Variants in OSGIN2 observed in about 807,000 individuals in gnomAD.
OSGIN2 encodes the protein oxidative stress-induced growth inhibitor 2.
A neutral mutation model predicts 53.8 loss-of-function variants in OSGIN2; 19 were observed. The observed-to-expected ratio is 0.35, with a 90% CI of 0.25 to 0.52. OSGIN2 has a LOEUF of 0.52. OSGIN2 is among the 20% of genes least tolerant of loss of function. The probability of loss-of-function intolerance (pLI) is 0.95; values close to 1 mark genes in which losing one functional copy is unlikely to be tolerated. For synonymous variants in OSGIN2, 236 were observed against 236.0 expected (o/e 1.00, Z 0.00); for missense variants, 520 against 662.7 (o/e 0.78, Z 2.36).
rs945526797 is a variant in OSGIN2, at chr8:89,927,082, AACATT to A, written c.*1551_*1555del. The A allele has an allele frequency of 2.0e-5, 3 of 152,096 alleles. No homozygotes were observed. Among genetic ancestry groups the A allele is most frequent in the Non-Finnish European group, 4.4e-5 (3 of 67,950 alleles). The allele number at this position is 152,096 out of a possible 1,614,324, so 9.4% of individuals were successfully genotyped here. On this transcript the variant is annotated 3_prime_UTR_variant, in exon 6 of 6. Coordinates refer to ENST00000451899, the MANE Select transcript of OSGIN2 (RefSeq NM_001126111.3). ...AACCAGTTTCACATCTTAATGAAAT[AACATT>A]CTCTGACTGCACTTGCTTCAGTACT...
intron 5 of OSGIN2, among the ~76,000 whole-genome samples, chr8:89,923,764 A>T (rs1586010277): frequency 6.6e-6 from 1 of 152,220 alleles, no homozygotes. Flanking sequence ...GACAAACCCT[A>T]CTGTAAATTG....
chr8:89,909,809 T>G (rs1808931137), intron 2 of OSGIN2, 88 bp downstream of exon 2: 1 of 860,600 alleles, frequency 1.2e-6, no homozygotes, highest in African/African-American at 1.7e-5. Flanking sequence ...TTCTTAAGAT[T>G]TTATTGAAAA....
intron 4 of OSGIN2, 100 bp downstream of exon 4, chr8:89,914,846 T>C: frequency 1.2e-6 from 1 of 824,782 alleles, no homozygotes; most frequent in South Asian, 1.7e-5. Flanking sequence ...ATGTGATGTT[T>C]ATCACATTTT....
At chr8:89,912,484 G>C (rs79301178) in intron 2 of OSGIN2, among the ~76,000 whole-genome samples, 3,993 of 152,238 alleles carry the variant, frequency 0.026, 104 homozygotes, top group South Asian at 0.1. Flanking sequence ...GGTTGGGCGT[G>C]ATGGCTCATA....
At chr8:89,911,583 T>C (rs915080357) in intron 2 of OSGIN2, among the ~76,000 whole-genome samples, 1 of 149,882 alleles carries the variant, frequency 6.7e-6, no homozygotes, top group Non-Finnish European at 1.5e-5. Flanking sequence ...TGAGCCGCGA[T>C]TGCGCCATTG....
At chr8:89,912,538 G>A (rs2130698605) in intron 2 of OSGIN2, among the ~76,000 whole-genome samples, 1 of 152,230 alleles carries the variant, frequency 6.6e-6, no homozygotes, top group South Asian at 2.1e-4. Context: ...GGTGGATCAA[G>A]AGATCAAGAC....
At position 89,914,535 on chromosome 8, in the gene OSGIN2, T is replaced by G; in HGVS notation, c.337-20T>G. On this transcript the variant is annotated intron_variant, in intron 3 of 5. Coordinates refer to ENST00000451899, the MANE Select transcript of OSGIN2 (RefSeq NM_001126111.3). ...AAATGCTGGCTTTTTTCAAACTCTG[T>G]CTCCCTTTTGTTCATTCAGGACTTA... 1 of 1,596,806 alleles carries G rather than the reference T, an allele frequency of 6.3e-7. No homozygotes were observed.
At chr8:89,922,101 A>C (rs1350983819) in intron 5 of OSGIN2, among the ~76,000 whole-genome samples, 1 of 152,236 alleles carries the variant, frequency 6.6e-6, no homozygotes, top group Non-Finnish European at 1.5e-5. Flanking sequence ...AAGGATAGTA[A>C]ATATTAGATA....
chr8:89,924,779 T>A lies in OSGIN2; in HGVS notation c.897T>A (p.Ala299=), dbSNP rs140021082. The change falls in exon 6 of 6, where the codon GCT becomes GCA. Residue 299 remains alanine, a synonymous_variant. Transcript: ENST00000451899. ...DGSHVPFCLF[A]ENVALATGTL... is the part of the protein sequence containing the mutation. ...CTCATGTTCCCTTCTGCCTCTTTGC[T>A]GAGAATGTAGCGCTGGCAACTGGAA... 95 of 1,614,208 alleles carry A rather than the reference T, an allele frequency of 5.9e-5. 1 individual carries two copies. The Middle Eastern group carries it at 2.8e-3, about 48-fold the overall frequency.
chr8:89,913,327 C>T (rs145714738), intron 2 of OSGIN2, among the ~76,000 whole-genome samples: 174 of 152,242 alleles, frequency 1.1e-3, no homozygotes, highest in African/African-American at 3.7e-3. Flanking sequence ...GGAAGACAGC[C>T]GGCCTTTGAA....
intron 1 of OSGIN2, among the ~76,000 whole-genome samples, chr8:89,904,876 A>G (rs2130686409): frequency 6.6e-6 from 1 of 152,370 alleles, no homozygotes; most frequent in East Asian, 1.9e-4. Context: ...ATTGTCTAAC[A>G]TCTGAATGGA....
At chr8:89,921,049 A>T in intron 4 of OSGIN2, 31 bp from the exon 5 acceptor site, 1 of 1,279,730 alleles carries the variant, frequency 7.8e-7, no homozygotes, top group Non-Finnish European at 1.1e-6. Context: ...TTGTTTTTTG[A>T]CGGTACATTT....
chr8:89,924,988 T>A lies in OSGIN2; in HGVS notation c.1106T>A (p.Ile369Asn). ...GTACTGTGTGCTTACAACAGTAATA[T>A]CCCTGTGATTCATGTGTTTCGCAGA... Reference protein sequence around the residue: ...DAVLCAYNSNIPVIHVFRRRV... With the variant: ...DAVLCAYNSNNPVIHVFRRRV... Residue 369 changes from isoleucine (I) to asparagine (N), a missense_variant, in exon 6 of 6, where the codon ATC (isoleucine) becomes AAC (asparagine). Ile to Asn is a moderately radical substitution (Grantham distance 149). Coordinates refer to ENST00000451899, the MANE Select transcript of OSGIN2 (RefSeq NM_001126111.3). 6.2e-7 allele frequency: 1 copy of A among 1,614,080 alleles called. No individual in the cohort carries two copies. Among genetic ancestry groups the A allele is most frequent in the Non-Finnish European group, 8.5e-7 (1 of 1,179,924 alleles).
chr8:89,925,441 GA>G lies in OSGIN2; in HGVS notation c.1560del (p.Ala522ArgfsTer8). 6 of 1,614,162 alleles carry G rather than the reference GA, an allele frequency of 3.7e-6. No homozygotes were observed. Among genetic ancestry groups the G allele is most frequent in the Non-Finnish European group, 5.1e-6 (6 of 1,180,006 alleles). On this transcript the variant is annotated frameshift_variant, in exon 6 of 6. Transcript: ENST00000451899. LOFTEE classifies it high-confidence loss of function. ...GACAATTTTGTTCGATTTTTAAAGG[GA>G]GGGGCGCTGGGTGTTACACGCTGTT... ...VGDNFVRFLKGGALGVTRCLA... is the reference protein window; with the variant it reads ...VGDNFVRFLKXGALGVTRCLA...
chr8:89,916,024 CCAATA>C (rs1210922801), intron 4 of OSGIN2, among the ~76,000 whole-genome samples: 1 of 151,442 alleles, frequency 6.6e-6, no homozygotes, highest in Admixed American at 6.6e-5. Flanking sequence ...TGTGAAACCA[CCAATA>C]CAAGATAAGA....
intron 4 of OSGIN2, among the ~76,000 whole-genome samples, chr8:89,918,562 A>G (rs1423349490): frequency 3.9e-5 from 6 of 152,150 alleles, no homozygotes; most frequent in African/African-American, 1.2e-4. Context: ...ACCTACTTCA[A>G]TGGCTTGCAT....
At chr8:89,910,373 C>A (rs555414216) in intron 2 of OSGIN2, among the ~76,000 whole-genome samples, 2 of 152,038 alleles carry the variant, frequency 1.3e-5, no homozygotes, top group African/African-American at 4.8e-5. Flanking sequence ...TATACAAAGT[C>A]GAGGAATTCA....
intron 2 of OSGIN2, 31 bp downstream of exon 2, chr8:89,909,752 ATAGT>A (rs1423046721): frequency 1.4e-6 from 2 of 1,391,574 alleles, no homozygotes; most frequent in East Asian, 2.4e-5. Context: ...TTTTAAAATT[ATAGT>A]TAATGACCCT....
chr8:89,917,341 T>C (rs1809100848), intron 4 of OSGIN2, among the ~76,000 whole-genome samples: 1 of 152,236 alleles, frequency 6.6e-6, no homozygotes, highest in South Asian at 2.1e-4. Flanking sequence ...ATTCACACTA[T>C]AGATAATCTT....
Sources: allele counts gnomAD v4.1 joint callset (sites outside exome capture counted in the v4.1 genomes callset), GRCh38; gene constraint gnomAD v4.1.1; transcripts MANE v1.5; gene names NCBI Gene and HGNC (gene_info 2026-07-23, HGNC 2026-07-21).